Variants in KIAA0825 observed in about 807,000 individuals in gnomAD.
The protein encoded by KIAA0825 is uncharacterized protein KIAA0825.
A neutral mutation model predicts 147.6 loss-of-function variants in KIAA0825; 119 were observed. That is an observed-to-expected ratio of 0.81 (90% CI 0.69 to 0.94). The LOEUF (loss-of-function observed/expected upper bound fraction) is 0.94. Ranked by LOEUF, KIAA0825 falls within the 40% of genes least tolerant of loss-of-function variation. The probability of loss-of-function intolerance (pLI) is 0.00; values close to 1 mark genes in which losing one functional copy is unlikely to be tolerated. For synonymous variants in KIAA0825, 470 were observed against 518.1 expected (o/e 0.91, Z 1.26); for missense variants, 1,381 against 1,472.7 (o/e 0.94, Z 1.02).
At position 94,424,456 on chromosome 5, in the gene KIAA0825, A is replaced by T. The variant is rs1000519201; in HGVS notation, c.2498-7091T>A. ...AAGAAAGAAATTAAAGAGAAAATTTAAAAAAATTCCTAAAACAAATGAAAA... is the reference window on the plus strand; with the variant it reads ...AAGAAAGAAATTAAAGAGAAAATTTTAAAAAATTCCTAAAACAAATGAAAA... On this transcript the variant is annotated intron_variant, in intron 14 of 20. Coordinates refer to ENST00000682413, the MANE Select transcript of KIAA0825 (RefSeq NM_001145678.3). Among the ~76,000 whole-genome samples the T allele has an allele frequency of 3.9e-5, 6 of 152,254 alleles. No homozygotes were observed. In the East Asian group the frequency reaches 5.8e-4, roughly 15 times the overall value.
intron 20 of KIAA0825, among the ~76,000 whole-genome samples, chr5:94,383,217 G>A (rs151282815): frequency 6.6e-6 from 1 of 152,148 alleles, no homozygotes; most frequent in Non-Finnish European, 1.5e-5. Context: ...TAAGCTTCTG[G>A]GTTGTTGAAC....
chr5:94,416,297 G>C (rs183576995), intron 15 of KIAA0825: 32 of 152,260 alleles, frequency 2.1e-4, no homozygotes, highest in African/African-American at 7.5e-4. Context: ...CAGCTAGAAT[G>C]ATATTCAAGT....
chr5:94,314,065 C>T (rs533907732), intron 20 of KIAA0825, among the ~76,000 whole-genome samples: 1 of 151,538 alleles, frequency 6.6e-6, no homozygotes, highest in African/African-American at 2.4e-5. Context: ...CTGTTATAAA[C>T]CCTGCAAGAC....
At chr5:94,315,044 T>C (rs1464144434) in intron 20 of KIAA0825, among the ~76,000 whole-genome samples, 1 of 151,654 alleles carries the variant, frequency 6.6e-6, no homozygotes, top group Non-Finnish European at 1.5e-5. Context: ...TAGGGATCTC[T>C]TGAAAAATAT....
chr5:94,542,515 A>G (rs948356147), intron 2 of KIAA0825, among the ~76,000 whole-genome samples: 9 of 152,194 alleles, frequency 5.9e-5, no homozygotes, highest in Non-Finnish European at 8.8e-5. Flanking sequence ...TGCAATAAGA[A>G]TCTGTTTTCG....
intron 20 of KIAA0825, among the ~76,000 whole-genome samples, chr5:94,367,141 A>C (rs776255568): frequency 7.9e-5 from 12 of 152,264 alleles, no homozygotes; most frequent in Non-Finnish European, 1.5e-4. Context: ...TTTGCTTCTA[A>C]GACAAGTTAC....
chr5:94,529,409 T>TATATGTATATATC (rs1187988968), intron 3 of KIAA0825, among the ~76,000 whole-genome samples: 1 of 147,546 alleles, frequency 6.8e-6, no homozygotes, highest in Non-Finnish European at 1.5e-5. Flanking sequence ...GTATATCTCA[T>TATATGTATATATC]ATATGTATAT....
At chr5:94,547,712 G>C (rs1011474682) in intron 2 of KIAA0825, among the ~76,000 whole-genome samples, 1 of 130,326 alleles carries the variant, frequency 7.7e-6, no homozygotes, top group African/African-American at 3.1e-5. Flanking sequence ...ACTCCAGCCT[G>C]CACGACAGGG....
chr5:94,331,106 G>A (rs1023511403), intron 20 of KIAA0825, among the ~76,000 whole-genome samples: 2 of 150,874 alleles, frequency 1.3e-5, no homozygotes, highest in African/African-American at 4.9e-5. Context: ...CTGCATTCCA[G>A]TCTGGGCAAA....
intron 3 of KIAA0825, among the ~76,000 whole-genome samples, chr5:94,528,581 A>G (rs576765378): frequency 2.8e-4 from 43 of 152,280 alleles, no homozygotes; most frequent in Non-Finnish European, 4.9e-4. Context: ...TGTATTGATA[A>G]GAACGAGCTT....
intron 1 of KIAA0825, among the ~76,000 whole-genome samples, chr5:94,600,025 T>C (rs1310420531): frequency 1.3e-5 from 2 of 152,186 alleles, no homozygotes; most frequent in Admixed American, 6.5e-5. Flanking sequence ...TTTGAATATA[T>C]ATTTCTCCGA....
chr5:94,598,803 T>C (rs374845423), intron 1 of KIAA0825, among the ~76,000 whole-genome samples: 20 of 152,108 alleles, frequency 1.3e-4, no homozygotes, highest in African/African-American at 4.3e-4. Context: ...ATATTTGTGG[T>C]CTTTAGTTGA....
At chr5:94,486,441 TC>T (rs1361269866) in intron 5 of KIAA0825, among the ~76,000 whole-genome samples, 2 of 152,070 alleles carry the variant, frequency 1.3e-5, no homozygotes, top group Non-Finnish European at 2.9e-5. Flanking sequence ...TAATAGTCTT[TC>T]ACTGAGGACC....
intron 20 of KIAA0825, among the ~76,000 whole-genome samples, chr5:94,200,753 C>T (rs2150022012): frequency 6.6e-6 from 1 of 151,802 alleles, no homozygotes; most frequent in Non-Finnish European, 1.5e-5. Context: ...CAAACTGAAA[C>T]CAATTCACAA....
intron 20 of KIAA0825, among the ~76,000 whole-genome samples, chr5:94,362,624 T>C (rs1392912721): frequency 7.2e-6 from 1 of 139,374 alleles, no homozygotes; most frequent in African/African-American, 2.5e-5. Context: ...TGTACTTATA[T>C]GGTAACTTGC....
chr5:94,342,057 G>A lies in KIAA0825; in HGVS notation c.3710+42311C>T, dbSNP rs548941261. Among the ~76,000 whole-genome samples, 14 of 152,146 alleles carry A rather than the reference G, an allele frequency of 9.2e-5. No homozygotes were observed. In the South Asian group the frequency reaches 1.7e-3, roughly 18 times the overall value. ...AAATACAAAAAGAAGTTAGCCGGGC[G>A]TGGTGGCAGGCGCCTGTAGTCCCAG... On this transcript the variant is annotated intron_variant, in intron 20 of 20. Transcript: ENST00000682413.
At chr5:94,447,396 C>A (rs1441593814) in intron 13 of KIAA0825, among the ~76,000 whole-genome samples, 1 of 151,780 alleles carries the variant, frequency 6.6e-6, no homozygotes, top group Non-Finnish European at 1.5e-5. Context: ...AAAGCAGCAA[C>A]AGGAAAGAAA....
chr5:94,313,263 T>TA (rs1211378670), intron 20 of KIAA0825, among the ~76,000 whole-genome samples: 6 of 151,754 alleles, frequency 4.0e-5, no homozygotes, highest in African/African-American at 1.4e-4. Flanking sequence ...TGTATTGAGT[T>TA]AGAGTCCAAT....
At chr5:94,442,318 T>G (rs1406681043) in intron 13 of KIAA0825, among the ~76,000 whole-genome samples, 1 of 152,160 alleles carries the variant, frequency 6.6e-6, no homozygotes, top group Non-Finnish European at 1.5e-5. Context: ...CATGTAAAAC[T>G]CTGATAACAT....
Sources: gnomAD v4.1 joint callset for allele counts (sites outside exome capture counted in the v4.1 genomes callset) on GRCh38, gnomAD v4.1.1 for gene constraint, MANE v1.5 for transcripts, NCBI Gene and HGNC (gene_info 2026-07-23, HGNC 2026-07-21) for gene names.